SLC8A1: variants seen among roughly 807,000 people sequenced by gnomAD.
SLC8A1 encodes the protein solute carrier family 8 member A1.
SLC8A1 carries 18 observed loss-of-function variants against 68.3 expected under a neutral mutation model. That is an observed-to-expected ratio of 0.26 (90% CI 0.18 to 0.39). SLC8A1 has a LOEUF of 0.39. Among genes scored for constraint, SLC8A1 ranks in the 10% least tolerant of loss-of-function variants. The pLI, the probability that SLC8A1 is intolerant of heterozygous loss-of-function variation, is 1.00. For synonymous variants in SLC8A1, 475 were observed against 415.5 expected (o/e 1.14, Z -1.74); for missense variants, 985 against 1,156.7 (o/e 0.85, Z 2.15).
intron 2 of SLC8A1, among the ~76,000 whole-genome samples, chr2:40,230,207 G>T (rs563322646): frequency 6.6e-6 from 1 of 152,236 alleles, no homozygotes; most frequent in East Asian, 1.9e-4. Context: ...AACATTACAG[G>T]TTACTCTAAA....
intron 1 of SLC8A1, among the ~76,000 whole-genome samples, chr2:40,439,687 T>G (rs905991387): frequency 1.7e-4 from 26 of 152,200 alleles, no homozygotes; most frequent in African/African-American, 6.3e-4. Flanking sequence ...CATCTTCAAG[T>G]AGATAGCATT....
chr2:40,393,838 A>T (rs1686050164), intron 2 of SLC8A1, among the ~76,000 whole-genome samples: 1 of 152,132 alleles, frequency 6.6e-6, no homozygotes, highest in Middle Eastern at 3.2e-3. Context: ...TAAATCACCC[A>T]ATCAACCAAA....
At chr2:40,177,761 CTCT>C (rs2048736172) in exon 3 of SLC8A1, 9 of 1,545,068 alleles carry the variant, frequency 5.8e-6, no homozygotes, top group South Asian at 1.2e-5. Flanking sequence ...CCTTTCATTC[CTCT>C]TCTTATCCAT....
intron 1 of SLC8A1, among the ~76,000 whole-genome samples, chr2:40,505,185 T>TA (rs1390120440): frequency 6.6e-6 from 1 of 151,820 alleles, no homozygotes; most frequent in Non-Finnish European, 1.5e-5. Flanking sequence ...GAAGGATGGT[T>TA]ACCAGAGGCT....
At chr2:40,294,627 C>T (rs2069991500) in intron 2 of SLC8A1, among the ~76,000 whole-genome samples, 1 of 152,110 alleles carries the variant, frequency 6.6e-6, no homozygotes, top group Non-Finnish European at 1.5e-5. Context: ...GCGTAGTCAC[C>T]TCTTGCTTAT....
intron 2 of SLC8A1, among the ~76,000 whole-genome samples, chr2:40,207,765 T>G (rs921111977): frequency 6.6e-6 from 1 of 152,158 alleles, no homozygotes; most frequent in Admixed American, 6.6e-5. Context: ...GTGCCAGGGC[T>G]AGAAAATGTG....
At chr2:40,504,846 T>C (rs1057491331) in intron 1 of SLC8A1, among the ~76,000 whole-genome samples, 1 of 152,090 alleles carries the variant, frequency 6.6e-6, no homozygotes, top group East Asian at 1.9e-4. Context: ...GAACCCTTTG[T>C]ACACTCTTGG....
exon 8 of SLC8A1, chr2:40,107,131 A>G (rs2034248424): frequency 6.6e-6 from 1 of 151,992 alleles, no homozygotes; most frequent in Non-Finnish European, 1.5e-5. Flanking sequence ...GTGTGGTGGG[A>G]CTGGGTGGGC....
intron 2 of SLC8A1, among the ~76,000 whole-genome samples, chr2:40,332,890 A>C (rs1014796140): frequency 1.3e-5 from 2 of 152,236 alleles, no homozygotes; most frequent in African/African-American, 4.8e-5. Context: ...TGGAGCACAA[A>C]ATGCTTAAAA....
At chr2:40,234,391 CT>C (rs1558877784) in intron 2 of SLC8A1, among the ~76,000 whole-genome samples, 2 of 151,988 alleles carry the variant, frequency 1.3e-5, no homozygotes, top group Non-Finnish European at 2.9e-5. Context: ...CATGATTTGG[CT>C]CTCTGTTTGT....
intron 6 of SLC8A1, 137 bp from the exon 10 acceptor site, chr2:40,139,813 T>C: frequency 1.2e-6 from 1 of 844,024 alleles, no homozygotes; most frequent in South Asian, 1.7e-5. Flanking sequence ...AAGTTTAGGG[T>C]TTTCCAAGAG....
intron 7 of SLC8A1, among the ~76,000 whole-genome samples, chr2:40,122,883 G>C (rs1404884631): frequency 1.3e-5 from 2 of 152,152 alleles, no homozygotes; most frequent in Non-Finnish European, 2.9e-5. Flanking sequence ...GGTGCCCCGG[G>C]CTTAGTTTTC....
intron 2 of SLC8A1, among the ~76,000 whole-genome samples, chr2:40,224,011 A>C (rs758180564): frequency 3.3e-5 from 5 of 152,104 alleles, no homozygotes; most frequent in Non-Finnish European, 7.4e-5. Flanking sequence ...GTAGCTATTT[A>C]AGTGATGTGG....
At chr2:40,166,433 C>T (rs2046569070) in intron 4 of SLC8A1, among the ~76,000 whole-genome samples, 1 of 152,182 alleles carries the variant, frequency 6.6e-6, no homozygotes, top group Non-Finnish European at 1.5e-5. Context: ...AATCTGCTTT[C>T]CTAGCCTCAG....
At chr2:40,312,147 T>A (rs993013897) in intron 2 of SLC8A1, among the ~76,000 whole-genome samples, 33 of 152,270 alleles carry the variant, frequency 2.2e-4, no homozygotes, top group African/African-American at 7.0e-4. Context: ...ATCTCTGTCT[T>A]GTTGCAAAGT....
chr2:40,379,080 C>T (rs1379559744), intron 2 of SLC8A1, among the ~76,000 whole-genome samples: 1 of 152,118 alleles, frequency 6.6e-6, no homozygotes, highest in Non-Finnish European at 1.5e-5. Flanking sequence ...TAGCATCTGG[C>T]TCATAATAGA....
chr2:40,242,714 A>G (rs1478278939), intron 2 of SLC8A1, among the ~76,000 whole-genome samples: 1 of 152,240 alleles, frequency 6.6e-6, no homozygotes, highest in Non-Finnish European at 1.5e-5. Context: ...ATTTTAAAAT[A>G]TGGTATCTAT....
chr2:40,485,703 T>C (rs1431131343), intron 1 of SLC8A1, among the ~76,000 whole-genome samples: 3 of 152,160 alleles, frequency 2.0e-5, no homozygotes, highest in South Asian at 2.1e-4. Context: ...TCTTGCCTTC[T>C]AGAGTAATTA....
intron 2 of SLC8A1, among the ~76,000 whole-genome samples, chr2:40,288,865 T>TATATATATGTATATATATGA (rs1491244902): frequency 2.3e-5 from 1 of 42,650 alleles, no homozygotes; most frequent in East Asian, 2.4e-3. Context: ...ATATATATGA[T>TATATATATGTATATATATGA]TTTTTTTTTT....
Sources: allele counts gnomAD v4.1 joint callset (sites outside exome capture counted in the v4.1 genomes callset), GRCh38; gene constraint gnomAD v4.1.1; transcripts MANE v1.5; gene names NCBI Gene and HGNC (gene_info 2026-07-23, HGNC 2026-07-21).